The following FAM120B variants were observed in gnomAD, a reference collection of about 807,000 sequenced individuals.
FAM120B encodes the protein constitutive coactivator of peroxisome proliferator-activated receptor gamma.
A neutral mutation model predicts 96.3 loss-of-function variants in FAM120B; 83 were observed. That is an observed-to-expected ratio of 0.86 (90% CI 0.72 to 1.03). FAM120B has a LOEUF of 1.03. FAM120B is among the 50% of genes least tolerant of loss of function. The pLI is 0.00. For synonymous variants in FAM120B, 407 were observed against 402.7 expected (o/e 1.01, Z -0.13); for missense variants, 1,027 against 1,121.2 (o/e 0.92, Z 1.20).
intron 4 of FAM120B, among the ~76,000 whole-genome samples, chr6:170,337,658 C>A (rs1381001340): frequency 1.3e-5 from 2 of 152,122 alleles, no homozygotes; most frequent in Non-Finnish European, 1.5e-5. Context: ...TCCGTCTGGT[C>A]CTGGGCTTTT....
At chr6:170,376,581 G>C (rs1378860350) in intron 6 of FAM120B, among the ~76,000 whole-genome samples, 1 of 152,182 alleles carries the variant, frequency 6.6e-6, no homozygotes, top group Non-Finnish European at 1.5e-5. Flanking sequence ...TGCAAGAAAA[G>C]ACCGGTAAGT....
chr6:170,316,976 A>G (rs1011691625), intron 1 of FAM120B, among the ~76,000 whole-genome samples: 5 of 152,208 alleles, frequency 3.3e-5, no homozygotes, highest in African/African-American at 4.8e-5. Flanking sequence ...ATTGAGAATC[A>G]TCCATGTGGT....
rs952071414 is a variant in FAM120B, at chr6:170,295,959, G to T, written c.48+506G>T. Among the ~76,000 whole-genome samples the T allele has an allele frequency of 1.1e-4, 16 of 152,112 alleles. No individual in the cohort carries two copies. Among genetic ancestry groups the T allele is most frequent in the African/African-American group, 3.1e-4 (13 of 41,520 alleles). ...AGCTGGCGGCCCCGGCGCAGATGACGGCTCGGCAGCGGGCCCCCGCCCCCT... is the reference window on the plus strand; with the variant it reads ...AGCTGGCGGCCCCGGCGCAGATGACTGCTCGGCAGCGGGCCCCCGCCCCCT... On this transcript the variant is annotated intron_variant, in intron 1 of 10. Coordinates refer to the FAM120B transcript ENST00000537664. The surrounding 1 kb of genome is among the most constrained non-coding windows in gnomAD (Gnocchi z 7.8).
intron 1 of FAM120B, among the ~76,000 whole-genome samples, chr6:170,316,727 A>T (rs1784925738): frequency 6.6e-6 from 1 of 152,184 alleles, no homozygotes; most frequent in Non-Finnish European, 1.5e-5. Flanking sequence ...CAGTTTGGTA[A>T]GTTTTAACAT....
At chr6:170,331,425 G>A (rs1016672139) in intron 4 of FAM120B, among the ~76,000 whole-genome samples, 44 of 152,218 alleles carry the variant, frequency 2.9e-4, no homozygotes, top group African/African-American at 7.7e-4. Context: ...AAATGGAATT[G>A]TATTGAGAGA....
intron 2 of FAM120B, among the ~76,000 whole-genome samples, chr6:170,321,127 A>G (rs888151431): frequency 4.6e-5 from 7 of 152,228 alleles, no homozygotes; most frequent in Non-Finnish European, 7.3e-5. Context: ...AGTTGTTCAC[A>G]TGGATTGAAC....
At chr6:170,398,969 G>A (rs1185400594) in intron 9 of FAM120B, among the ~76,000 whole-genome samples, 2 of 150,016 alleles carry the variant, frequency 1.3e-5, no homozygotes, top group East Asian at 2.2e-4. Context: ...TAACTCTTAG[G>A]AGTGAGTGGG....
intron 1 of FAM120B, among the ~76,000 whole-genome samples, chr6:170,301,243 C>G (rs1784134964): frequency 6.6e-6 from 1 of 152,266 alleles, no homozygotes; most frequent in African/African-American, 2.4e-5. Flanking sequence ...CACATGGAAT[C>G]TGCCAAGGCT....
At chr6:170,399,292 A>G in intron 9 of FAM120B, among the ~76,000 whole-genome samples, 1 of 147,380 alleles carries the variant, frequency 6.8e-6, no homozygotes, top group South Asian at 2.1e-4. Context: ...TGAGTGGGGA[A>G]GGTAGAACTA....
chr6:170,371,329 A>G (rs2115250651), intron 6 of FAM120B, among the ~76,000 whole-genome samples: 1 of 152,010 alleles, frequency 6.6e-6, no homozygotes, highest in African/African-American at 2.4e-5. Context: ...TGGATGGACG[A>G]TGTTTTGTTT....
chr6:170,360,464 T>A (rs1788276970), intron 6 of FAM120B, among the ~76,000 whole-genome samples: 1 of 152,198 alleles, frequency 6.6e-6, no homozygotes, highest in Non-Finnish European at 1.5e-5. Context: ...CTGGCCATGC[T>A]GCCACTTTCC....
In FAM120B at chr6:170,404,610, A is replaced by G; in HGVS notation, c.*11+9A>G. On this transcript the variant is annotated intron_variant, in intron 10 of 10. Transcript: ENST00000476287. ...TACTAGTCAACCTCCAGGTAAGTTC[A>G]TCACCTGCATCTCCAGAAGAAATCA... is the stretch of plus-strand genomic sequence containing the variant. 1 of 1,596,058 alleles carries G rather than the reference A, an allele frequency of 6.3e-7. No individual in the cohort carries two copies. Among genetic ancestry groups the G allele is most frequent in the Non-Finnish European group, 8.6e-7 (1 of 1,163,670 alleles).
chr6:170,383,107 A>AT (rs1790008376), intron 6 of FAM120B, among the ~76,000 whole-genome samples: 2 of 151,978 alleles, frequency 1.3e-5, no homozygotes, highest in African/African-American at 4.8e-5. Flanking sequence ...AAAAAGAAAA[A>AT]AAAAAAAAAA....
intron 5 of FAM120B, among the ~76,000 whole-genome samples, chr6:170,354,582 A>G (rs1215605635): frequency 1.3e-5 from 2 of 152,168 alleles, no homozygotes; most frequent in South Asian, 4.1e-4. Context: ...AAGCAAAAAA[A>G]CAATCCCATT....
At chr6:170,378,532 G>A (rs1789714979) in intron 6 of FAM120B, among the ~76,000 whole-genome samples, 1 of 152,248 alleles carries the variant, frequency 6.6e-6, no homozygotes, top group East Asian at 1.9e-4. Flanking sequence ...CCTATTCTAT[G>A]CCAGACTCTG....
At chr6:170,316,824 C>G (rs570007160) in intron 1 of FAM120B, among the ~76,000 whole-genome samples, 19 of 152,372 alleles carry the variant, frequency 1.2e-4, no homozygotes, top group African/African-American at 3.8e-4. Flanking sequence ...CTTCCCGCCA[C>G]TGTCTGTCCC....
At chr6:170,360,337 G>A (rs1037147332) in intron 6 of FAM120B, among the ~76,000 whole-genome samples, 9 of 152,132 alleles carry the variant, frequency 5.9e-5, no homozygotes, top group Non-Finnish European at 1.0e-4. Flanking sequence ...ACTGTTCTTC[G>A]TAGGCATTTA....
In FAM120B at chr6:170,317,855, T is replaced by C. The variant is rs3800266; in HGVS notation, c.465T>C (p.Ser155=). Residue 155 remains serine (S), a synonymous_variant, in exon 2 of 11, where the codon TCT becomes TCC. Coordinates refer to ENST00000476287, the MANE Select transcript of FAM120B (RefSeq NM_032448.3). ...CACTGGGCCAGGAAACTTTGTGTTC[T>C]TTGCAGGAAGCAGATTATGAGGTAG... is the stretch of plus-strand genomic sequence containing the variant. The part of the protein sequence containing the change: ...LKTLGQETLC[S]LQEADYEVAS... The C allele has an allele frequency of 0.14, 231,328 of 1,614,074 alleles. 17,958 individuals are homozygous for C. Among genetic ancestry groups the C allele is most frequent in the East Asian group, 0.31 (13,716 of 44,872 alleles).
chr6:170,358,931 C>T (rs1788150505), intron 6 of FAM120B, among the ~76,000 whole-genome samples: 1 of 152,220 alleles, frequency 6.6e-6, no homozygotes, highest in Non-Finnish European at 1.5e-5. Flanking sequence ...GTGTTGTTTC[C>T]TGTTAGAATA....
Sources: allele counts gnomAD v4.1 joint callset (sites outside exome capture counted in the v4.1 genomes callset), GRCh38; gene constraint gnomAD v4.1.1; non-coding constraint Gnocchi (gnomAD v3.1); transcripts MANE v1.5; gene names NCBI Gene and HGNC (gene_info 2026-07-23, HGNC 2026-07-21).